Variants in DNAI2 observed in about 807,000 individuals in gnomAD.
DNAI2 encodes dynein, axonemal, intermediate polypeptide 2.
A neutral mutation model predicts 74.7 loss-of-function variants in DNAI2; 63 were observed. The ratio of observed to expected loss-of-function variants is 0.84; its 90% CI spans 0.69 to 1.04. The LOEUF (loss-of-function observed/expected upper bound fraction) is 1.04. Ranked by LOEUF, DNAI2 falls within the 50% of genes least tolerant of loss-of-function variation. DNAI2 has a pLI of 0.00. For missense variants in DNAI2, 688 were observed against 803.2 expected (o/e 0.86, Z 1.73); for synonymous variants, 289 against 314.9 (o/e 0.92, Z 0.87).
Position 74,300,061 on chromosome 17 carries a change from G to T in DNAI2, c.864+204G>T, listed in dbSNP as rs1294804320. 6.6e-6 allele frequency among the ~76,000 whole-genome samples: 1 copy of T among 152,180 alleles called. No homozygotes were observed. The highest frequency in any genetic ancestry group is 1.5e-5 in the Non-Finnish European group (1 of 68,028). ...CCTCCCGGGTTCAAGCAATTCTCCT[G>T]CCTCAGCCTCCCAAGTAGCTGGGAT... On this transcript the variant is annotated intron_variant, in intron 7 of 13. Transcript: ENST00000311014. The surrounding 1 kb of genome is among the most constrained non-coding windows in gnomAD (Gnocchi z 4.5).
At chr17:74,296,333 GGAGA>G (rs1555611087) in intron 6 of DNAI2, among the ~76,000 whole-genome samples, 1 of 44,640 alleles carries the variant, frequency 2.2e-5, no homozygotes, top group Non-Finnish European at 9.9e-5. Context: ...GAGAGAGAGA[GGAGA>G]GAGAGAGAGG....
At chr17:74,303,738 A>G (rs75597688) in intron 8 of DNAI2, among the ~76,000 whole-genome samples, 16,308 of 151,850 alleles carry the variant, frequency 0.11, 1,371 homozygotes, top group Admixed American at 0.29. Flanking sequence ...TGTTCTGGGT[A>G]TTTTCTAGAG....
chr17:74,294,075 G>A (rs898517951), intron 6 of DNAI2, among the ~76,000 whole-genome samples: 8 of 150,816 alleles, frequency 5.3e-5, no homozygotes, highest in East Asian at 2.0e-4. Context: ...GAGCCACCAC[G>A]CCCAGCTTGG....
At chr17:74,285,942 C>CAT (rs1216028959) in intron 3 of DNAI2, among the ~76,000 whole-genome samples, 2 of 97,578 alleles carry the variant, frequency 2.0e-5, no homozygotes, top group African/African-American at 3.1e-5. Context: ...AGATGAGTGC[C>CAT]ATATACACAC....
At chr17:74,303,929 C>G (rs1335685150) in intron 8 of DNAI2, among the ~76,000 whole-genome samples, 1 of 151,878 alleles carries the variant, frequency 6.6e-6, no homozygotes, top group Non-Finnish European at 1.5e-5. Context: ...AGTTTGAGAC[C>G]AGTCTGGACA....
intron 2 of DNAI2, 142 bp from the exon 3 acceptor site, chr17:74,284,898 T>G: frequency 9.4e-7 from 1 of 1,068,032 alleles, no homozygotes; most frequent in East Asian, 2.4e-5. Flanking sequence ...TTTCCTTGCC[T>G]GCATTTGAAA....
chr17:74,296,811 G>C (rs1189030797), intron 6 of DNAI2, among the ~76,000 whole-genome samples: 1 of 152,208 alleles, frequency 6.6e-6, no homozygotes, highest in African/African-American at 2.4e-5. Context: ...TTCATCAGGA[G>C]TGCAGAATGT....
intron 6 of DNAI2, among the ~76,000 whole-genome samples, chr17:74,294,210 T>A (rs189987289): frequency 6.6e-6 from 1 of 152,268 alleles, no homozygotes; most frequent in Admixed American, 6.5e-5. Flanking sequence ...TTTTCCTATA[T>A]GTCTTACATC....
chr17:74,287,519 G>T (rs1341758575), intron 4 of DNAI2, among the ~76,000 whole-genome samples: 1 of 152,230 alleles, frequency 6.6e-6, no homozygotes, highest in Non-Finnish European at 1.5e-5. Context: ...GTGTGTGTGT[G>T]TGTGAAATCA....
intron 8 of DNAI2, among the ~76,000 whole-genome samples, chr17:74,301,966 AGAAGGAAGGAAGGAAG>A (rs1291644877): frequency 3.0e-4 from 2 of 6,744 alleles, no homozygotes; most frequent in South Asian, 5.3e-3. Flanking sequence ...AAGGAAGGAA[AGAAGGAAGGAAGGAAG>A]GAAGGAAGGA....
intron 9 of DNAI2, among the ~76,000 whole-genome samples, chr17:74,308,145 G>A (rs2053295699): frequency 6.6e-6 from 1 of 152,138 alleles, no homozygotes; most frequent in African/African-American, 2.4e-5. Context: ...TGGTCTGGCT[G>A]TCAACACACT....
intron 1 of DNAI2, among the ~76,000 whole-genome samples, chr17:74,281,018 T>C (rs2051356649): frequency 7.0e-6 from 1 of 143,394 alleles, no homozygotes; most frequent in Admixed American, 7.2e-5. Flanking sequence ...AGCCCGGGGG[T>C]TGAGGCTGCA....
At chr17:74,298,275 A>C (rs1487342035) in intron 6 of DNAI2, among the ~76,000 whole-genome samples, 1 of 152,200 alleles carries the variant, frequency 6.6e-6, no homozygotes, top group Non-Finnish European at 1.5e-5. Flanking sequence ...GCCAAAGTAG[A>C]ACAGGCTTAT....
intron 6 of DNAI2, among the ~76,000 whole-genome samples, chr17:74,292,852 C>CTTTTT (rs2052201548): frequency 6.9e-6 from 1 of 145,732 alleles, no homozygotes; most frequent in Non-Finnish European, 1.5e-5. Flanking sequence ...TTTTTTGGGA[C>CTTTTT]GGAGTCTTGC....
intron 8 of DNAI2, among the ~76,000 whole-genome samples, chr17:74,304,189 T>TTC (rs2053045156): frequency 9.8e-6 from 1 of 101,726 alleles, no homozygotes. Flanking sequence ...CTTTTTTCTT[T>TTC]TTTTTTTTTT....
At position 74,291,002 on chromosome 17, in the gene DNAI2, T is replaced by A. The variant is rs751171647; in HGVS notation, c.611-18T>A. The stretch of plus-strand genomic sequence containing the variant: ...TTCTTTCCGGGCCTGGTGGGGATAA[T>A]TTTTTTGTGCTTTATAGAAAACCCC... On this transcript the variant is annotated intron_variant, in intron 5 of 13. Transcript: ENST00000311014. The A allele has an allele frequency of 3.1e-6, 5 of 1,607,202 alleles. No homozygotes were observed. The South Asian group carries it at 4.4e-5, about 14-fold the overall frequency.
At position 74,314,148 on chromosome 17, in the gene DNAI2, G is replaced by A. The variant is rs972806446; in HGVS notation, c.1750G>A (p.Val584Met). 2.5e-6 allele frequency: 4 copies of A among 1,614,080 alleles called. No individual in the cohort carries two copies. The African/African-American group carries it at 5.3e-5, about 22-fold the overall frequency. ...PQQPSPEEDQ[V>M]VEEGEEAAGE... ...GCAACCAAGTCCAGAAGAAGACCAGGTGGTGGAGGAGGGAGAGGAAGCAGC... is the reference window on the plus strand; with the variant it reads ...GCAACCAAGTCCAGAAGAAGACCAGATGGTGGAGGAGGGAGAGGAAGCAGC... The change falls in exon 13 of 14, where the codon GTG becomes ATG. Residue 584 changes from valine to methionine, a missense_variant. Val to Met is a conservative substitution (Grantham distance 21). Coordinates refer to ENST00000311014, the MANE Select transcript of DNAI2 (RefSeq NM_023036.6).
intron 9 of DNAI2, among the ~76,000 whole-genome samples, 193 bp from the exon 10 acceptor site, chr17:74,309,060 C>CAAAAAAAAAAA (rs549880425): frequency 1.9e-5 from 1 of 53,786 alleles, no homozygotes; most frequent in Non-Finnish European, 4.0e-5. Flanking sequence ...AAGAGTGTCT[C>CAAAAAAAAAAA]AAAAAAAAAA....
chr17:74,301,117 A>G lies in DNAI2; in HGVS notation c.936A>G (p.Glu312=). Residue 312 remains glutamate, a synonymous_variant, in exon 8 of 14, where the codon GAA becomes GAG. Coordinates refer to ENST00000311014, the MANE Select transcript of DNAI2 (RefSeq NM_023036.6). ...TGATCTTGGACATCACCAAGAAGGA[A>G]CAGTTGGAAAATGCCTTGGGGGCCA... ...EVVILDITKK[E]QLENALGAIS... is the part of the protein sequence containing the mutation. The G allele has an allele frequency of 6.2e-7, 1 of 1,614,020 alleles. No homozygotes were observed. The highest frequency in any genetic ancestry group is 8.5e-7 in the Non-Finnish European group (1 of 1,179,954).
Sources: allele counts gnomAD v4.1 joint callset (sites outside exome capture counted in the v4.1 genomes callset), GRCh38; gene constraint gnomAD v4.1.1; non-coding constraint Gnocchi (gnomAD v3.1); transcripts MANE v1.5; gene names NCBI Gene and HGNC (gene_info 2026-07-23, HGNC 2026-07-21).